Variants in DAB1 observed in about 807,000 individuals in gnomAD.
The protein encoded by DAB1 is DAB adaptor protein 1, also known as disabled homolog 1.
In DAB1, 15 loss-of-function variants were observed where a neutral mutation model predicts 64.6. The observed-to-expected ratio is 0.23, with a 90% CI of 0.16 to 0.36. DAB1 has a LOEUF of 0.36. Ranked by LOEUF, DAB1 falls within the 10% of genes least tolerant of loss-of-function variation. The pLI, the probability that DAB1 is intolerant of heterozygous loss-of-function variation, is 1.00. For missense variants in DAB1, 596 were observed against 706.7 expected (o/e 0.84, Z 1.78); for synonymous variants, 235 against 251.9 (o/e 0.93, Z 0.64).
intron 6 of DAB1, among the ~76,000 whole-genome samples, chr1:57,739,828 G>A (rs1381604068): frequency 6.6e-6 from 1 of 151,758 alleles, no homozygotes; most frequent in Non-Finnish European, 1.5e-5. Flanking sequence ...ATTTTCATCA[G>A]TAAAATCATG....
At chr1:57,151,758 C>A (rs1659689300) in intron 2 of DAB1, among the ~76,000 whole-genome samples, 1 of 150,504 alleles carries the variant, frequency 6.6e-6, no homozygotes, top group African/African-American at 2.4e-5. Context: ...CTTTCATAGA[C>A]TTCAACTCTG....
chr1:57,872,940 A>G (rs575448764), intron 1 of DAB1, among the ~76,000 whole-genome samples: 1 of 152,124 alleles, frequency 6.6e-6, no homozygotes, highest in Non-Finnish European at 1.5e-5. Flanking sequence ...CAATGAGTAA[A>G]CACTTTCTGG....
chr1:57,147,897 C>T (rs1659299879), intron 2 of DAB1, among the ~76,000 whole-genome samples: 1 of 152,146 alleles, frequency 6.6e-6, no homozygotes, highest in African/African-American at 2.4e-5. Context: ...TGAGTAGAAC[C>T]TGAACTTAGA....
At chr1:58,174,248 C>T (rs532358966) in intron 4 of DAB1, among the ~76,000 whole-genome samples, 2 of 152,298 alleles carry the variant, frequency 1.3e-5, no homozygotes, top group African/African-American at 2.4e-5. Context: ...CTTATACCAA[C>T]CTCTGGAGTT....
chr1:58,042,364 CATTT>C (rs2100506861), intron 5 of DAB1, among the ~76,000 whole-genome samples: 2 of 152,298 alleles, frequency 1.3e-5, no homozygotes, highest in African/African-American at 4.8e-5. Context: ...ATTCAACAAA[CATTT>C]ATTTGATATC....
chr1:57,091,018 C>T (rs528625928), intron 4 of DAB1, among the ~76,000 whole-genome samples: 41 of 152,150 alleles, frequency 2.7e-4, no homozygotes, highest in African/African-American at 9.9e-4. Context: ...TATCCCTCAC[C>T]CCGCCCCACC....
At position 57,207,446 on chromosome 1, in the gene DAB1, CTTTTTTT is replaced by C. The variant is rs772989513; in HGVS notation, c.68-62024_68-62018del. Among the ~76,000 whole-genome samples, 46 of 98,460 alleles carry C rather than the reference CTTTTTTT, an allele frequency of 4.7e-4. 2 individuals carry two copies. The highest frequency in any genetic ancestry group is 1.5e-3 in the African/African-American group (43 of 27,906). 64.6% of individuals were successfully genotyped at this position (98,460 alleles called of 152,430 possible). On this transcript the variant is annotated intron_variant, in intron 2 of 14. Coordinates refer to ENST00000371236, the MANE Select transcript of DAB1 (RefSeq NM_001365792.1). ...CTGTAATTCATACCTTATTTCCTTTCTTTTTTTTTTTTTTTGAGATGGAGTCTCGCTC... is the reference window on the plus strand; with the variant it reads ...CTGTAATTCATACCTTATTTCCTTTCTTTTTTTTGAGATGGAGTCTCGCTC...
intron 5 of DAB1, among the ~76,000 whole-genome samples, chr1:58,104,210 C>T (rs1221002536): frequency 6.6e-6 from 1 of 152,194 alleles, no homozygotes; most frequent in Non-Finnish European, 1.5e-5. Flanking sequence ...AAAGGACTTC[C>T]AAATCCCAAC....
chr1:57,026,300 AAG>A (rs1646785104), intron 9 of DAB1, among the ~76,000 whole-genome samples: 1 of 152,154 alleles, frequency 6.6e-6, no homozygotes, highest in African/African-American at 2.4e-5. Flanking sequence ...CACTTCCCAT[AAG>A]CAGTAATAAC....
chr1:57,797,692 G>C (rs1310114455), intron 6 of DAB1, among the ~76,000 whole-genome samples: 1 of 152,216 alleles, frequency 6.6e-6, no homozygotes, highest in East Asian at 1.9e-4. Flanking sequence ...AAAGAAGACA[G>C]AAAGGAGTGC....
At chr1:57,389,784 A>G (rs1224264697) in intron 1 of DAB1, among the ~76,000 whole-genome samples, 4 of 152,188 alleles carry the variant, frequency 2.6e-5, no homozygotes, top group African/African-American at 7.2e-5. Flanking sequence ...CACTAGCCCT[A>G]TACTTTCCGA....
At chr1:57,988,552 C>A (rs1241992145) in intron 5 of DAB1, among the ~76,000 whole-genome samples, 1 of 152,198 alleles carries the variant, frequency 6.6e-6, no homozygotes, top group Non-Finnish European at 1.5e-5. Flanking sequence ...ATCCTGGTCA[C>A]TGAGACTTCT....
intron 5 of DAB1, among the ~76,000 whole-genome samples, chr1:58,143,729 T>C (rs1304167811): frequency 6.6e-6 from 1 of 152,228 alleles, no homozygotes; most frequent in Non-Finnish European, 1.5e-5. Flanking sequence ...TAAGCTGTTA[T>C]TATTTTCCTC....
chr1:58,373,004 A>G (rs1297502276), intron 3 of DAB1, among the ~76,000 whole-genome samples: 4 of 152,128 alleles, frequency 2.6e-5, no homozygotes, highest in Non-Finnish European at 4.4e-5. Flanking sequence ...AAAAACCTGA[A>G]AGCAAATATT....
intron 5 of DAB1, among the ~76,000 whole-genome samples, chr1:58,095,159 C>A (rs566557200): frequency 3.3e-5 from 5 of 152,276 alleles, no homozygotes; most frequent in African/African-American, 1.2e-4. Context: ...CCTCCTTATT[C>A]TCATCCCCCA....
intron 4 of DAB1, among the ~76,000 whole-genome samples, chr1:58,339,963 G>A (rs1008132300): frequency 3.3e-5 from 5 of 152,108 alleles, no homozygotes; most frequent in African/African-American, 1.2e-4. Flanking sequence ...TGAGTTAACA[G>A]GGAAGAATAG....
intron 1 of DAB1, among the ~76,000 whole-genome samples, chr1:57,851,011 T>C (rs1653498982): frequency 6.6e-6 from 1 of 152,132 alleles, no homozygotes; most frequent in African/African-American, 2.4e-5. Context: ...CCCAATCAAT[T>C]CCAACATTCA....
At chr1:57,941,274 T>C (rs1253084319) in intron 5 of DAB1, among the ~76,000 whole-genome samples, 14 of 152,222 alleles carry the variant, frequency 9.2e-5, no homozygotes, top group Non-Finnish European at 1.5e-5. Context: ...TAAGGTGCTT[T>C]GGTATTTATC....
chr1:57,966,697 G>T (rs1045478753), intron 5 of DAB1, among the ~76,000 whole-genome samples: 15 of 152,060 alleles, frequency 9.9e-5, no homozygotes, highest in African/African-American at 3.6e-4. Context: ...GATTTTTTTT[G>T]ATAATCTAAA....
Sources: allele counts gnomAD v4.1 joint callset (sites outside exome capture counted in the v4.1 genomes callset), GRCh38; gene constraint gnomAD v4.1.1; transcripts MANE v1.5; gene names NCBI Gene and HGNC (gene_info 2026-07-23, HGNC 2026-07-21).